The following SCN9A variants were observed in gnomAD, a reference collection of about 807,000 sequenced individuals.
The protein encoded by SCN9A is sodium voltage-gated channel alpha subunit 9.
In SCN9A, 131 loss-of-function variants were observed where a neutral mutation model predicts 187.0. The observed-to-expected ratio is 0.70, with a 90% CI of 0.61 to 0.81. The LOEUF is 0.81. Among genes scored for constraint, SCN9A ranks in the 30% least tolerant of loss-of-function variants. The pLI, the probability that SCN9A is intolerant of heterozygous loss-of-function variation, is 0.00. For missense variants in SCN9A, 2,252 were observed against 2,396.6 expected (o/e 0.94, Z 1.26); for synonymous variants, 809 against 808.6 (o/e 1.00, Z -0.01).
intron 26 of SCN9A, among the ~76,000 whole-genome samples, chr2:166,200,336 G>T (rs988113690): frequency 1.2e-4 from 18 of 151,940 alleles, no homozygotes; most frequent in Non-Finnish European, 2.2e-4. Flanking sequence ...ACTTAAAAAA[G>T]GATTAAGAAA....
chr2:166,354,021 C>T (rs1700098103), intron 1 of SCN9A, among the ~76,000 whole-genome samples: 2 of 152,144 alleles, frequency 1.3e-5, no homozygotes, highest in Admixed American at 1.3e-4. Context: ...ATAGATGTCA[C>T]ACTAATTTAA....
chr2:166,328,770 G>A (rs906827414), intron 1 of SCN9A, among the ~76,000 whole-genome samples: 6 of 152,034 alleles, frequency 3.9e-5, no homozygotes, highest in African/African-American at 1.4e-4. Flanking sequence ...TAAGGTTTAT[G>A]TTTTATGGTT....
At chr2:166,341,288 A>AAT in intron 1 of SCN9A, among the ~76,000 whole-genome samples, 1 of 152,218 alleles carries the variant, frequency 6.6e-6, no homozygotes, top group East Asian at 1.9e-4. Flanking sequence ...CACATATAGC[A>AAT]ATGCTCTAAA....
chr2:166,265,519 A>G (rs529974137), intron 17 of SCN9A, among the ~76,000 whole-genome samples: 185 of 152,092 alleles, frequency 1.2e-3, no homozygotes, highest in African/African-American at 4.2e-3. Context: ...ATAGGAGTAC[A>G]GTATTCTATG....
intron 1 of SCN9A, among the ~76,000 whole-genome samples, chr2:166,318,436 T>C (rs1367265762): frequency 6.6e-6 from 1 of 151,898 alleles, no homozygotes; most frequent in African/African-American, 2.4e-5. Flanking sequence ...AATGAAGATC[T>C]ACCAAACATA....
intron 24 of SCN9A, among the ~76,000 whole-genome samples, chr2:166,225,983 A>G (rs1694827429): frequency 6.6e-6 from 1 of 152,168 alleles, no homozygotes; most frequent in Non-Finnish European, 1.5e-5. Flanking sequence ...TTAAGCCCTC[A>G]GGTTTGTATT....
At chr2:166,292,604 C>T (rs1698125815) in intron 9 of SCN9A, among the ~76,000 whole-genome samples, 1 of 152,072 alleles carries the variant, frequency 6.6e-6, no homozygotes, top group Non-Finnish European at 1.5e-5. Context: ...TTTTGGTCTC[C>T]TTCCTTTTGG....
rs1277265567 is a variant in SCN9A, at chr2:166,280,564, A to C, written c.2136T>G (p.Pro712=). ...ELEESRQKCP[P]WWYRFAHKFL... is the part of the protein sequence containing the mutation. ...ATTTGTGTGCAAATCTGTACCACCA[A>C]GGTGGACATTTTTGTCTGGACTCTT... Residue 712 remains proline (P), a synonymous_variant, in exon 14 of 27, where the codon CCT becomes CCG. Coordinates refer to ENST00000642356, the MANE Select transcript of SCN9A (RefSeq NM_001365536.1). 6.3e-7 allele frequency: 1 copy of C among 1,586,630 alleles called. No homozygotes were observed. The highest frequency in any genetic ancestry group is 8.6e-7 in the Non-Finnish European group (1 of 1,164,412).
intron 7 of SCN9A, among the ~76,000 whole-genome samples, chr2:166,297,180 G>T (rs1276912894): frequency 1.3e-5 from 1 of 77,086 alleles, no homozygotes; most frequent in Non-Finnish European, 2.4e-5. Flanking sequence ...CTAGGCGACA[G>T]AGTGAGACTC....
chr2:166,272,609 G>A lies in SCN9A; in HGVS notation c.3141C>T (p.Ser1047=), dbSNP rs1046258167. The A allele has an allele frequency of 2.3e-5, 37 of 1,613,126 alleles. No individual in the cohort carries two copies. The highest frequency in any genetic ancestry group is 3.1e-5 in the Non-Finnish European group (36 of 1,179,724). The part of the protein sequence containing the change: ...YISNHTLAEM[S]KGHNFLKEKD... ...TTTCCTTGAGGAAATTGTGACCTTT[G>A]CTCATTTCAGCAAGTGTATGGTTAG... The change falls in exon 17 of 27, where the codon AGC becomes AGT. Residue 1047 remains serine, a synonymous_variant. Coordinates refer to ENST00000642356, the MANE Select transcript of SCN9A (RefSeq NM_001365536.1).
chr2:166,324,612 A>G (rs1255883085), intron 1 of SCN9A, among the ~76,000 whole-genome samples: 2 of 152,182 alleles, frequency 1.3e-5, no homozygotes, highest in East Asian at 3.9e-4. Flanking sequence ...ATCATAGTTA[A>G]CATCAACAAC....
At position 166,198,504 on chromosome 2, in the gene SCN9A, C is replaced by T. The variant is rs990358477; in HGVS notation, c.*168G>A. ...TAAAGAATCATCAGTGCAAAAATAA[C>T]CATCTGCTAATGCTGCCCACCTTTC... On this transcript the variant is annotated 3_prime_UTR_variant, in exon 27 of 27. Transcript: ENST00000642356. 1 of 580,698 alleles carries T rather than the reference C, an allele frequency of 1.7e-6. No homozygotes were observed. The highest frequency in any genetic ancestry group is 3.2e-5 in the Admixed American group (1 of 31,608). The allele number at this position is 580,698 out of a possible 1,614,324, so 36.0% of individuals were successfully genotyped here. A position where few individuals can be genotyped will look rare whatever the true frequency, so the allele number is the denominator to read the frequency against.
At chr2:166,360,247 A>G (rs1700250184) in intron 1 of SCN9A, among the ~76,000 whole-genome samples, 1 of 149,178 alleles carries the variant, frequency 6.7e-6, no homozygotes, top group African/African-American at 2.5e-5. Flanking sequence ...AAAAAAAAAA[A>G]AAGAAATTAA....
intron 17 of SCN9A, chr2:166,259,387 T>C (rs1276817726): frequency 1.3e-5 from 2 of 151,734 alleles, no homozygotes; most frequent in Admixed American, 1.3e-4. Flanking sequence ...TACCTGTAAG[T>C]AGAAATTAGT....
At chr2:166,365,054 T>C (rs1574969353) in intron 1 of SCN9A, among the ~76,000 whole-genome samples, 1 of 152,160 alleles carries the variant, frequency 6.6e-6, no homozygotes, top group East Asian at 1.9e-4. Flanking sequence ...ACATCAAAAT[T>C]GATCGAAATA....
chr2:166,233,441 C>T lies in SCN9A; in HGVS notation c.3823G>A (p.Ala1275Thr), dbSNP rs1369376245. The T allele has an allele frequency of 6.4e-7, 1 of 1,569,124 alleles. No homozygotes were observed. The highest frequency in any genetic ancestry group is 2.1e-5 in the Admixed American group (1 of 48,216). The change falls in exon 21 of 27, where the codon GCA becomes ACA. Residue 1275 changes from alanine to threonine, a missense_variant. This residue lies in a region of SCN9A where 368 missense variants were observed against 408.6 expected (regional missense o/e 0.90). Transcript: ENST00000642356. ...AGATCTGAGTAGCCAAGAGTGTTTGCCACTAAAGTAACCAAAGAAACCTAT... is the reference window on the plus strand; with the variant it reads ...AGATCTGAGTAGCCAAGAGTGTTTGTCACTAAAGTAACCAAAGAAACCTAT... ...IVDVSLVTLVANTLGYSDLGP... is the reference protein window; with the variant it reads ...IVDVSLVTLVTNTLGYSDLGP...
At chr2:166,255,661 T>A (rs1476642906) in intron 17 of SCN9A, among the ~76,000 whole-genome samples, 1 of 147,752 alleles carries the variant, frequency 6.8e-6, no homozygotes, top group Non-Finnish European at 1.5e-5. Flanking sequence ...ACATTTCAAG[T>A]ACATACTATA....
chr2:166,221,326 C>A (rs1016508962), intron 24 of SCN9A, among the ~76,000 whole-genome samples: 2 of 152,018 alleles, frequency 1.3e-5, no homozygotes, highest in African/African-American at 4.8e-5. Flanking sequence ...CATATGGAAC[C>A]ACAAAAGACT....
chr2:166,351,391 C>A (rs1230043775), intron 1 of SCN9A, among the ~76,000 whole-genome samples: 1 of 152,116 alleles, frequency 6.6e-6, no homozygotes, highest in Non-Finnish European at 1.5e-5. Context: ...AAGGTGAAAA[C>A]ATGTTTCTTT....
Sources: gnomAD v4.1 joint callset for allele counts (sites outside exome capture counted in the v4.1 genomes callset) on GRCh38, gnomAD v4.1.1 for gene constraint, gnomAD v4.1.1 regional missense constraint, MANE v1.5 for transcripts, NCBI Gene and HGNC (gene_info 2026-07-23, HGNC 2026-07-21) for gene names.